COA8: variants seen among roughly 807,000 people sequenced by gnomAD.
The protein encoded by COA8 is cytochrome c oxidase assembly factor 8, also known as UPF0671 protein C14orf153.
COA8 carries 20 observed loss-of-function variants against 22.0 expected under a neutral mutation model. The observed-to-expected ratio is 0.91, with a 90% CI of 0.64 to 1.32. The LOEUF is 1.32. Among genes scored for constraint, COA8 ranks in the 40% most tolerant of loss-of-function variants. The pLI is 0.00. For missense variants in COA8, 266 were observed against 230.0 expected, an observed-to-expected ratio of 1.16 and a Z score of -1.01; for synonymous variants, 105 against 79.9, an observed-to-expected ratio of 1.31 and a Z score of -1.68.
chr14:103,573,043 A>G (rs1212739880), intron 2 of COA8, among the ~76,000 whole-genome samples: 1 of 152,030 alleles, frequency 6.6e-6, no homozygotes, highest in Non-Finnish European at 1.5e-5. Flanking sequence ...GGCCTCCCAA[A>G]GTGTTGGGAT....
chr14:103,585,676 A>G (rs2076301094), intron 3 of COA8, among the ~76,000 whole-genome samples: 1 of 145,996 alleles, frequency 6.8e-6, no homozygotes, highest in Non-Finnish European at 1.5e-5. Context: ...CCCGGGTTCA[A>G]GCAATTCTCC....
intron 3 of COA8, 112 bp from the exon 4 acceptor site, chr14:103,587,162 A>T: frequency 1.5e-6 from 1 of 654,746 alleles, no homozygotes; most frequent in Middle Eastern, 3.3e-4. Flanking sequence ...ATGTTTGTAT[A>T]TTGGTCTTGT....
chr14:103,581,680 G>A lies in COA8; in HGVS notation c.386-5594G>A. On this transcript the variant is annotated intron_variant, in intron 3 of 4. Transcript: ENST00000409074. This position sits in a 1 kb window ranked among gnomAD's most constrained non-coding sequence, Gnocchi z 4.1. The stretch of plus-strand genomic sequence containing the variant: ...CAGTTGAGTAAACCGAGGCACAGAA[G>A]AAAATGAAGTAGCCCCAGATGACGT... 1 of 398,712 alleles carries A rather than the reference G, an allele frequency of 2.5e-6. No individual in the cohort carries two copies. 24.7% of individuals were successfully genotyped at this position (398,712 alleles called of 1,614,324 possible).
chr14:103,587,160 A>G (rs2076313871), intron 3 of COA8, 114 bp from the exon 4 acceptor site: 3 of 639,876 alleles, frequency 4.7e-6, no homozygotes, highest in Non-Finnish European at 8.0e-6. Flanking sequence ...TGATGTTTGT[A>G]TATTGGTCTT....
intron 1 of COA8, among the ~76,000 whole-genome samples, chr14:103,565,296 A>C (rs895723723): frequency 6.6e-6 from 1 of 152,030 alleles, no homozygotes; most frequent in African/African-American, 2.4e-5. Context: ...TATAGAACTT[A>C]AGAGTCAGGC....
intron 4 of COA8, among the ~76,000 whole-genome samples, chr14:103,587,593 C>T (rs1447618314): frequency 6.6e-6 from 1 of 150,754 alleles, no homozygotes; most frequent in Non-Finnish European, 1.5e-5. Context: ...CTGCAAGCTC[C>T]GCCTCCTGGG....
intron 1 of COA8, among the ~76,000 whole-genome samples, chr14:103,568,460 C>T (rs2076151762): frequency 6.6e-6 from 1 of 151,580 alleles, no homozygotes; most frequent in African/African-American, 2.4e-5. Context: ...CACATACATA[C>T]ATACATACAC....
At chr14:103,566,332 A>C (rs2076134801) in intron 1 of COA8, among the ~76,000 whole-genome samples, 2 of 152,158 alleles carry the variant, frequency 1.3e-5, no homozygotes, top group Admixed American at 1.3e-4. Flanking sequence ...AGGCGGGAGA[A>C]TCGCTTGAAC....
At chr14:103,568,231 C>T (rs1383972304) in intron 1 of COA8, among the ~76,000 whole-genome samples, 1 of 152,144 alleles carries the variant, frequency 6.6e-6, no homozygotes, top group African/African-American at 2.4e-5. Flanking sequence ...GCAGGAGAAA[C>T]GTCTCAGTGT....
chr14:103,570,913 G>GT (rs2076179218), intron 1 of COA8, among the ~76,000 whole-genome samples: 1 of 152,222 alleles, frequency 6.6e-6, no homozygotes, highest in Non-Finnish European at 1.5e-5. Context: ...AATCACAGGG[G>GT]TGTGGGACTC....
intron 4 of COA8, among the ~76,000 whole-genome samples, chr14:103,588,711 G>T (rs1423450261): frequency 6.6e-6 from 1 of 151,938 alleles, no homozygotes; most frequent in Non-Finnish European, 1.5e-5. Context: ...TGGTGTGGTA[G>T]TGTGCACCTG....
chr14:103,583,412 G>C (rs377577504), intron 3 of COA8, among the ~76,000 whole-genome samples: 7 of 151,886 alleles, frequency 4.6e-5, no homozygotes, highest in African/African-American at 1.7e-4. Context: ...GTGGTGGCGG[G>C]CGCCTGTAAT....
chr14:103,581,499 A>G lies in COA8; in HGVS notation c.386-5775A>G. The G allele has an allele frequency of 2.5e-6, 1 of 396,598 alleles. No individual in the cohort carries two copies. Among genetic ancestry groups the G allele is most frequent in the East Asian group, 3.6e-5 (1 of 27,976 alleles). 24.6% of individuals were successfully genotyped at this position (396,598 alleles called of 1,614,324 possible). On this transcript the variant is annotated intron_variant, in intron 3 of 4. Coordinates refer to ENST00000409074, the MANE Select transcript of COA8 (RefSeq NM_001370595.2). This position sits in a 1 kb window ranked among gnomAD's most constrained non-coding sequence, Gnocchi z 4.1. ...GGACCTTGGGAGGTTTCATCACGCT[A>G]CTCAGAACAGCATGCAGTTCAAAAC...
At chr14:103,574,619 A>G in intron 3 of COA8, 1 of 354,276 alleles carries the variant, frequency 2.8e-6, no homozygotes, top group South Asian at 2.2e-5. Flanking sequence ...AGAAAATCCA[A>G]AATCATCGAC....
At chr14:103,570,328 T>C (rs1427551456) in intron 1 of COA8, among the ~76,000 whole-genome samples, 1 of 152,164 alleles carries the variant, frequency 6.6e-6, no homozygotes, top group Non-Finnish European at 1.5e-5. Context: ...CGATGAGCAG[T>C]ATAGTTTCAG....
chr14:103,590,140 C>T (rs1275665058), intron 4 of COA8, 41 bp from the exon 5 acceptor site: 1 of 1,572,262 alleles, frequency 6.4e-7, no homozygotes, highest in Non-Finnish European at 8.7e-7. Context: ...AGCCTCAGTC[C>T]CTGCCACCGT....
At chr14:103,571,544 A>G (rs1228172322) in intron 1 of COA8, 79 bp from the exon 2 acceptor site, 1 of 1,391,908 alleles carries the variant, frequency 7.2e-7, no homozygotes, top group East Asian at 2.3e-5. Context: ...CTCTAAGTAA[A>G]TAAATAAATC....
chr14:103,585,669 G>A (rs1395521807), intron 3 of COA8, among the ~76,000 whole-genome samples: 3 of 142,098 alleles, frequency 2.1e-5, no homozygotes, highest in African/African-American at 5.2e-5. Context: ...TCCACCTCCC[G>A]GGTTCAAGCA....
At chr14:103,579,799 C>G (rs529818907) in intron 3 of COA8, among the ~76,000 whole-genome samples, 25 of 151,222 alleles carry the variant, frequency 1.7e-4, no homozygotes, top group African/African-American at 5.3e-4. Context: ...CCCGTCTATA[C>G]TAAAGACACA....
Sources: allele counts gnomAD v4.1 joint callset (sites outside exome capture counted in the v4.1 genomes callset), GRCh38; gene constraint gnomAD v4.1.1; non-coding constraint Gnocchi (gnomAD v3.1); transcripts MANE v1.5; gene names NCBI Gene and HGNC (gene_info 2026-07-23, HGNC 2026-07-21).